The following SLC8B1 variants were observed in gnomAD, a reference collection of about 807,000 sequenced individuals.
SLC8B1 encodes mitochondrial sodium/calcium exchanger protein.
Under a neutral mutation model 63.4 loss-of-function variants are expected in SLC8B1, and 52 were observed. That is an observed-to-expected ratio of 0.82 (90% CI 0.66 to 1.03). The LOEUF (loss-of-function observed/expected upper bound fraction) is 1.03, where lower values mean the gene tolerates loss of function less well. SLC8B1 is among the 50% of genes least tolerant of loss of function. The probability of loss-of-function intolerance (pLI) is 0.00; values close to 1 mark genes in which losing one functional copy is unlikely to be tolerated. For missense variants in SLC8B1, 657 were observed against 741.7 expected (o/e 0.89, Z 1.33); for synonymous variants, 336 against 323.9 (o/e 1.04, Z -0.40).
At position 113,299,919 on chromosome 12, in the gene SLC8B1, AGGCTGAGCCCCAG is replaced by A. The variant is rs768741382; in HGVS notation, c.1600_1612del (p.Leu534SerfsTer28). The A allele has an allele frequency of 2.0e-5, 33 of 1,614,026 alleles. No individual in the cohort carries two copies. Among genetic ancestry groups the A allele is most frequent in the Non-Finnish European group, 2.8e-5 (33 of 1,180,046 alleles). ...TGGGACTGAGACCAGGGAGAAGACG[AGGCTGAGCCCCAG>A]GGCGCCTGCCAGGACCCACACCAGC... On this transcript the variant is annotated frameshift_variant, in exon 16 of 16. Transcript: ENST00000680972. LOFTEE classifies it high-confidence loss of function.
At chr12:113,324,577 T>C (rs1195379544) in intron 2 of SLC8B1, among the ~76,000 whole-genome samples, 3 of 151,408 alleles carry the variant, frequency 2.0e-5, no homozygotes, top group African/African-American at 7.3e-5. Context: ...CGGCTAAGTT[T>C]TGTATTTTTA....
intron 2 of SLC8B1, among the ~76,000 whole-genome samples, chr12:113,329,509 C>T (rs1957033281): frequency 6.6e-6 from 1 of 152,152 alleles, no homozygotes; most frequent in South Asian, 2.1e-4. Context: ...TCCAAAATCA[C>T]ATTACTGTGC....
intron 15 of SLC8B1, among the ~76,000 whole-genome samples, chr12:113,300,759 C>T (rs1351101474): frequency 6.6e-6 from 1 of 152,194 alleles, no homozygotes; most frequent in Non-Finnish European, 1.5e-5. Context: ...TTATAATTCC[C>T]TCTGTTTTTA....
chr12:113,316,757 G>A, intron 9 of SLC8B1, 101 bp from the exon 10 acceptor site: 9 of 1,555,150 alleles, frequency 5.8e-6, no homozygotes, highest in East Asian at 2.2e-5. Flanking sequence ...CCTAAAGGAG[G>A]AGACAAAGCC....
At chr12:113,306,006 C>G (rs375432078) in intron 14 of SLC8B1, among the ~76,000 whole-genome samples, 1 of 145,528 alleles carries the variant, frequency 6.9e-6, no homozygotes, top group African/African-American at 2.6e-5. Flanking sequence ...TTGCAGTGAG[C>G]CAAGATCACG....
rs1174868262 is a variant in SLC8B1 at position 113,320,061 on chromosome 12, G to A, written c.694+270C>T. ...TCCTGCCTCAGCCTCTCAAATTGCTGGGATGATAGGTGTGAGCCATCACGC... is the reference window on the plus strand; with the variant it reads ...TCCTGCCTCAGCCTCTCAAATTGCTAGGATGATAGGTGTGAGCCATCACGC... On this transcript the variant is annotated intron_variant, in intron 7 of 15. Transcript: ENST00000680972. This position sits in a 1 kb window ranked among gnomAD's most constrained non-coding sequence, Gnocchi z 5.3. 8 of 399,552 alleles carry A rather than the reference G, an allele frequency of 2.0e-5. No homozygotes were observed. Among genetic ancestry groups the A allele is most frequent in the Non-Finnish European group, 3.6e-5 (8 of 219,688 alleles). 24.8% of individuals were successfully genotyped at this position (399,552 alleles called of 1,614,324 possible).
chr12:113,312,671 AG>A (rs1956780609), intron 11 of SLC8B1, among the ~76,000 whole-genome samples: 1 of 152,188 alleles, frequency 6.6e-6, no homozygotes, highest in Admixed American at 6.5e-5. Context: ...GTCTTTCCCC[AG>A]GGTGGACCTG....
chr12:113,320,356 G>T lies in SLC8B1; in HGVS notation c.669C>A (p.Gly223=). ...CCAGAGCCCATGCCAGGGTGACCCT[G>T]CCACGGAAGAGCATGAGGAAGGTCA... The part of the protein sequence containing the change: ...VFLTFLMLFR[G]RVTLAWALGY... Residue 223 remains glycine, a synonymous_variant, in exon 7 of 16, where the codon GGC becomes GGA. Transcript: ENST00000680972. The surrounding 1 kb of genome is among the most constrained non-coding windows in gnomAD (Gnocchi z 5.3). The T allele has an allele frequency of 6.2e-7, 1 of 1,614,124 alleles. No individual in the cohort carries two copies.
intron 2 of SLC8B1, among the ~76,000 whole-genome samples, chr12:113,326,017 C>T (rs1566243386): frequency 6.6e-6 from 1 of 152,192 alleles, no homozygotes; most frequent in Non-Finnish European, 1.5e-5. Context: ...TCCCCTTTAA[C>T]ATATGGGTAA....
chr12:113,329,558 TC>T (rs1957033870), intron 2 of SLC8B1, among the ~76,000 whole-genome samples: 1 of 151,930 alleles, frequency 6.6e-6, no homozygotes, highest in Admixed American at 6.6e-5. Flanking sequence ...TGCACAGCCC[TC>T]CCCCAGGTCC....
chr12:113,320,895 G>A lies in SLC8B1; in HGVS notation c.375C>T (p.Asn125=), dbSNP rs757064028. 7.5e-6 allele frequency: 12 copies of A among 1,606,410 alleles called. No individual in the cohort carries two copies. In the African/African-American group the frequency reaches 8.0e-5, roughly 11 times the overall value. ...GVTAAKFFCP[N]LSAISTTLKL... is the part of the protein sequence containing the mutation. ...TCAGTGTGGTAGAAATGGCCGACAA[G>A]TTGGGGCAGAAACTACGGAGAAAAA... Residue 125 remains asparagine, a synonymous_variant, in exon 5 of 16, where the codon AAC becomes AAT. Transcript: ENST00000680972. The surrounding 1 kb of genome is among the most constrained non-coding windows in gnomAD (Gnocchi z 5.3).
chr12:113,316,453 G>C, intron 10 of SLC8B1, 73 bp downstream of exon 10: 2 of 1,558,040 alleles, frequency 1.3e-6, no homozygotes, highest in Non-Finnish European at 1.7e-6. Context: ...CCCTCGTAGA[G>C]CTGGAGAGGG....
chr12:113,317,114 A>G, intron 8 of SLC8B1, 113 bp from the exon 9 acceptor site: 1 of 911,028 alleles, frequency 1.1e-6, no homozygotes, highest in Non-Finnish European at 1.7e-6. Flanking sequence ...TTACTTAGTT[A>G]TTTGGGACAG....
chr12:113,327,977 T>G (rs1593260772), intron 2 of SLC8B1, among the ~76,000 whole-genome samples: 1 of 108,936 alleles, frequency 9.2e-6, no homozygotes, highest in African/African-American at 4.0e-5. Flanking sequence ...AAACTACGTC[T>G]CCAAAAAAAA....
intron 13 of SLC8B1, among the ~76,000 whole-genome samples, chr12:113,307,133 A>C (rs1488410482): frequency 6.9e-6 from 1 of 145,538 alleles, no homozygotes; most frequent in Non-Finnish European, 1.5e-5. Context: ...AAAAAAAAAA[A>C]AAAAAAAAAA....
At position 113,306,457 on chromosome 12, in the gene SLC8B1, C is replaced by T. The variant is rs1956676703; in HGVS notation, c.1492+38G>A. ...GAGCACACCCCACCCACGGCTGTGA[C>T]ACCAGTGCTAAGGCCAAGAACAGAC... On this transcript the variant is annotated intron_variant, in intron 14 of 15. Transcript: ENST00000680972. 6.5e-6 allele frequency: 10 copies of T among 1,540,368 alleles called. No homozygotes were observed. In the African/African-American group the frequency reaches 1.4e-4, roughly 21 times the overall value.
Position 113,320,636 on chromosome 12 carries a change from G to A in SLC8B1, c.471C>T (p.Ala157=), listed in dbSNP as rs762286257. ...FGNGAPDIFS[A]LVAFSDPHTA... ...TGTGCGGGTCAGAGAAGGCCACCAG[G>A]GCACTGAAGATGTCAGGTGCACCAT... Residue 157 remains alanine, a synonymous_variant, in exon 6 of 16, where the codon GCC becomes GCT. Transcript: ENST00000680972. The surrounding 1 kb of genome is among the most constrained non-coding windows in gnomAD (Gnocchi z 5.3). The A allele has an allele frequency of 2.5e-6, 4 of 1,614,108 alleles. No individual in the cohort carries two copies. Among genetic ancestry groups the A allele is most frequent in the Non-Finnish European group, 3.4e-6 (4 of 1,180,018 alleles).
intron 10 of SLC8B1, 60 bp downstream of exon 10, chr12:113,316,466 G>T (rs1956836830): frequency 6.3e-7 from 1 of 1,584,878 alleles, no homozygotes. Flanking sequence ...GGAGAGGGTA[G>T]CGTGGCCACT....
In SLC8B1 at chr12:113,305,489, G is replaced by A. The variant is rs995382763; in HGVS notation, c.1492+1006C>T. Among the ~76,000 whole-genome samples the A allele has an allele frequency of 4.6e-5, 7 of 152,170 alleles. No individual in the cohort carries two copies. Among genetic ancestry groups the A allele is most frequent in the Non-Finnish European group, 8.8e-5 (6 of 68,022 alleles). ...ATCCACTGCTGGCCGAATGCCTGCCGTGCGCCAGGCACTGTCTGGAACCCA... is the reference window on the plus strand; with the variant it reads ...ATCCACTGCTGGCCGAATGCCTGCCATGCGCCAGGCACTGTCTGGAACCCA... On this transcript the variant is annotated intron_variant, in intron 14 of 15. Coordinates refer to ENST00000680972, the MANE Select transcript of SLC8B1 (RefSeq NM_001358345.2). This position sits in a 1 kb window ranked among gnomAD's most constrained non-coding sequence, Gnocchi z 4.3.
Sources: gnomAD v4.1 joint callset for allele counts (sites outside exome capture counted in the v4.1 genomes callset) on GRCh38, gnomAD v4.1.1 for gene constraint, Gnocchi (gnomAD v3.1) non-coding constraint, MANE v1.5 for transcripts, NCBI Gene and HGNC (gene_info 2026-07-23, HGNC 2026-07-21) for gene names.